The following SCAI variants were observed in gnomAD, a reference collection of about 807,000 sequenced individuals.
The protein encoded by SCAI is suppressor of cancer cell invasion.
In SCAI, 24 loss-of-function variants were observed where a neutral mutation model predicts 92.2. That is an observed-to-expected ratio of 0.26 (90% confidence interval 0.19 to 0.37). The LOEUF (loss-of-function observed/expected upper bound fraction) is 0.37. SCAI is among the 10% of genes least tolerant of loss of function. The probability of loss-of-function intolerance (pLI) is 1.00; values close to 1 mark genes in which losing one functional copy is unlikely to be tolerated. For missense variants in SCAI, 450 were observed against 736.2 expected (o/e 0.61, Z 4.50); for synonymous variants, 261 against 258.6 (o/e 1.01, Z -0.09).
intron 3 of SCAI, among the ~76,000 whole-genome samples, chr9:125,033,513 G>C (rs1238365982): frequency 1.3e-5 from 2 of 152,140 alleles, no homozygotes; most frequent in Admixed American, 6.5e-5. Flanking sequence ...AGGTAGGCTG[G>C]AGTCAGTTTA....
intron 17 of SCAI, among the ~76,000 whole-genome samples, chr9:124,965,555 A>G (rs1342242609): frequency 6.6e-6 from 1 of 152,218 alleles, no homozygotes; most frequent in Non-Finnish European, 1.5e-5. Context: ...TCTTATAGCA[A>G]CCTTGCACCT....
At chr9:125,137,923 C>G (rs1835574824) in intron 2 of SCAI, among the ~76,000 whole-genome samples, 1 of 152,088 alleles carries the variant, frequency 6.6e-6, no homozygotes, top group African/African-American at 2.4e-5. Context: ...TTTAAAAACT[C>G]ACGTTTGATT....
rs1833516059 is a variant in SCAI at position 125,049,627 on chromosome 9, AT to A, written c.230+6248del. Among the ~76,000 whole-genome samples, 3 of 152,364 alleles carry A rather than the reference AT, an allele frequency of 2.0e-5. No individual in the cohort carries two copies. The South Asian group carries it at 6.2e-4, about 32-fold the overall frequency. ...AGAGATAAACTATTATGCACATATT[AT>A]AAGAAGGTATTTTCAGTTGAGAAAA... On this transcript the variant is annotated intron_variant, in intron 3 of 17. Transcript: ENST00000336505.
chr9:125,131,250 CA>C (rs1348157475), intron 2 of SCAI, among the ~76,000 whole-genome samples: 5 of 150,592 alleles, frequency 3.3e-5, no homozygotes, highest in Non-Finnish European at 4.4e-5. Context: ...TACAAAAATA[CA>C]AAAAAAATTA....
intron 13 of SCAI, among the ~76,000 whole-genome samples, chr9:124,998,238 A>G (rs759438977): frequency 3.9e-5 from 6 of 152,152 alleles, no homozygotes; most frequent in Non-Finnish European, 8.8e-5. Context: ...GCCGAGGCTA[A>G]GGTCAGGAGT....
chr9:124,996,195 G>A (rs952417677), intron 13 of SCAI, among the ~76,000 whole-genome samples: 8 of 142,252 alleles, frequency 5.6e-5, no homozygotes, highest in Non-Finnish European at 1.5e-5. Flanking sequence ...GTTACCCTTC[G>A]TGTGTGTGGG....
intron 14 of SCAI, among the ~76,000 whole-genome samples, chr9:124,981,507 G>T (rs140019765): frequency 6.6e-6 from 1 of 152,050 alleles, no homozygotes; most frequent in Non-Finnish European, 1.5e-5. Flanking sequence ...TAAGTACAAC[G>T]TTGGCTATTT....
intron 2 of SCAI, among the ~76,000 whole-genome samples, chr9:125,056,636 T>C (rs527876744): frequency 1.7e-4 from 26 of 152,352 alleles, no homozygotes; most frequent in South Asian, 6.2e-4. Context: ...TCTAAAAATA[T>C]TGATTTATTT....
chr9:125,108,710 G>A (rs1189455878), intron 2 of SCAI, among the ~76,000 whole-genome samples: 35 of 145,442 alleles, frequency 2.4e-4, no homozygotes, highest in Admixed American at 8.9e-4. Flanking sequence ...GAACCCCTCC[G>A]CCCGGCAGCC....
rs888019024 is a variant in SCAI, at chr9:125,143,412, T to A, written c.26A>T (p.Gln9Leu). The A allele has an allele frequency of 7.2e-7, 1 of 1,396,976 alleles. No individual in the cohort carries two copies. Among genetic ancestry groups the A allele is most frequent in the African/African-American group, 1.5e-5 (1 of 66,850 alleles). The allele number at this position is 1,396,976 out of a possible 1,614,324, so 86.5% of individuals were successfully genotyped here. MVRGARQPQQPRSRLAPRL... is the reference protein window; with the variant it reads MVRGARQPLQPRSRLAPRL... Reference sequence around the variant, plus strand: ...GGGGGCCAGGCGACTCCGCGGCTGCTGGGGCTGCCGGGCTCCTCTGACCAT... The same window carrying A: ...GGGGGCCAGGCGACTCCGCGGCTGCAGGGGCTGCCGGGCTCCTCTGACCAT... Residue 9 changes from glutamine to leucine, a missense_variant, in exon 1 of 18, where the codon CAG (glutamine) becomes CTG (leucine). This residue lies in a region of SCAI where 70 missense variants were observed against 66.3 expected (regional missense o/e 1.06). Coordinates refer to ENST00000336505, the MANE Select transcript of SCAI (RefSeq NM_001144877.3).
At chr9:125,025,758 C>T (rs984589488) in intron 6 of SCAI, among the ~76,000 whole-genome samples, 5 of 152,190 alleles carry the variant, frequency 3.3e-5, no homozygotes, top group African/African-American at 1.2e-4. Flanking sequence ...CAAGTCTGAA[C>T]AAGACATGCA....
At chr9:124,977,671 C>T (rs1831788606) in intron 14 of SCAI, among the ~76,000 whole-genome samples, 1 of 152,090 alleles carries the variant, frequency 6.6e-6, no homozygotes, top group South Asian at 2.1e-4. Context: ...GAGACCCTGT[C>T]TCAAAACAAA....
At chr9:125,029,857 A>G (rs566916366) in intron 3 of SCAI, 118 bp from the exon 4 acceptor site, 2 of 540,174 alleles carry the variant, frequency 3.7e-6, no homozygotes, top group Non-Finnish European at 6.2e-6. Context: ...TTTCTTTTTT[A>G]AAAAAGTTAC....
At chr9:125,132,346 T>G (rs922950572) in intron 2 of SCAI, among the ~76,000 whole-genome samples, 8 of 152,150 alleles carry the variant, frequency 5.3e-5, no homozygotes, top group African/African-American at 1.7e-4. Context: ...ACTCCTGACC[T>G]CATGACCCAC....
chr9:125,065,804 C>T (rs1833858672), intron 2 of SCAI, among the ~76,000 whole-genome samples: 2 of 152,136 alleles, frequency 1.3e-5, no homozygotes, highest in African/African-American at 4.8e-5. Context: ...TAATTTATCA[C>T]ACAAGTAGAA....
chr9:125,087,679 T>A (rs1834349458), intron 2 of SCAI, among the ~76,000 whole-genome samples: 1 of 152,256 alleles, frequency 6.6e-6, no homozygotes. Context: ...CATTGCTTTG[T>A]AAAATTAGTG....
intron 2 of SCAI, among the ~76,000 whole-genome samples, chr9:125,119,857 C>A (rs1433205803): frequency 1.3e-5 from 2 of 152,202 alleles, no homozygotes; most frequent in Non-Finnish European, 2.9e-5. Context: ...CAGATGTCAG[C>A]TGGGAGCTCA....
At chr9:125,003,394 T>C in intron 10 of SCAI, 75 bp downstream of exon 10, 2 of 1,102,562 alleles carry the variant, frequency 1.8e-6, no homozygotes, top group Non-Finnish European at 2.8e-6. Flanking sequence ...TAGTATCTGT[T>C]GAATAATCAG....
chr9:125,045,484 C>T (rs1289180586), intron 3 of SCAI, among the ~76,000 whole-genome samples: 2 of 152,322 alleles, frequency 1.3e-5, no homozygotes, highest in East Asian at 3.9e-4. Context: ...GGACTACAGG[C>T]ATGCACTACC....
Sources: allele counts gnomAD v4.1 joint callset (sites outside exome capture counted in the v4.1 genomes callset), GRCh38; gene constraint gnomAD v4.1.1; regional missense constraint gnomAD v4.1.1; transcripts MANE v1.5; gene names NCBI Gene and HGNC (gene_info 2026-07-23, HGNC 2026-07-21).